CTNND2: variants seen among roughly 807,000 people sequenced by gnomAD.
The protein encoded by CTNND2 is catenin delta-2.
In CTNND2, 22 loss-of-function variants were observed where a neutral mutation model predicts 144.4. The observed-to-expected ratio is 0.15, with a 90% CI of 0.11 to 0.22. The LOEUF is 0.22. Among genes scored for constraint, CTNND2 ranks in the 10% least tolerant of loss-of-function variants. The pLI is 1.00. For missense variants in CTNND2, 1,353 were observed against 1,618.8 expected (o/e 0.84, Z 2.82); for synonymous variants, 751 against 695.6 (o/e 1.08, Z -1.25).
At chr5:11,345,187 C>CTAT (rs1271199136) in intron 9 of CTNND2, among the ~76,000 whole-genome samples, 1 of 152,086 alleles carries the variant, frequency 6.6e-6, no homozygotes, top group African/African-American at 2.4e-5. Flanking sequence ...GCCAAGAATA[C>CTAT]TTAAGGATCT....
intron 3 of CTNND2, among the ~76,000 whole-genome samples, chr5:11,541,985 C>A (rs1774801890): frequency 6.6e-6 from 1 of 151,782 alleles, no homozygotes; most frequent in African/African-American, 2.4e-5. Context: ...AGTTTTGTGT[C>A]CTCCCCAATT....
intron 2 of CTNND2, among the ~76,000 whole-genome samples, chr5:11,597,774 T>C (rs1479103393): frequency 6.6e-6 from 1 of 152,092 alleles, no homozygotes; most frequent in Non-Finnish European, 1.5e-5. Flanking sequence ...GATTTAGCCA[T>C]GTTGCCCAAG....
chr5:11,137,374 T>C (rs1051632344), intron 12 of CTNND2, among the ~76,000 whole-genome samples: 1 of 152,214 alleles, frequency 6.6e-6, no homozygotes, highest in Non-Finnish European at 1.5e-5. Flanking sequence ...CTGTATCTAG[T>C]CGTCTAGAGC....
intron 9 of CTNND2, among the ~76,000 whole-genome samples, chr5:11,285,662 A>G (rs898653314): frequency 2.6e-5 from 4 of 152,122 alleles, no homozygotes; most frequent in Non-Finnish European, 5.9e-5. Context: ...AAACGAAAGA[A>G]TGGCAGGTTT....
intron 16 of CTNND2, chr5:11,027,292 G>A (rs1279629121): frequency 6.6e-6 from 1 of 152,124 alleles, no homozygotes; most frequent in Non-Finnish European, 1.5e-5. Context: ...AAATTTGTGA[G>A]GCGTTCCATC....
chr5:11,063,044 C>T lies in CTNND2; in HGVS notation c.2788+19652G>A, dbSNP rs921840868. 1.2e-4 allele frequency among the ~76,000 whole-genome samples: 19 copies of T among 152,112 alleles called. 1 individual carries two copies. The highest frequency in any genetic ancestry group is 8.3e-4 in the South Asian group (4 of 4,822). ...TTGAAGGAAGACTGAACAAAGTTGACAGTTAACAGATCATTAAAAATAACT... is the reference window on the plus strand; with the variant it reads ...TTGAAGGAAGACTGAACAAAGTTGATAGTTAACAGATCATTAAAAATAACT... On this transcript the variant is annotated intron_variant, in intron 16 of 21. Transcript: ENST00000304623.
chr5:11,680,312 C>G (rs1231336626), intron 2 of CTNND2, among the ~76,000 whole-genome samples: 1 of 152,128 alleles, frequency 6.6e-6, no homozygotes, highest in African/African-American at 2.4e-5. Flanking sequence ...TTTCCACACT[C>G]AACAATTTTG....
In CTNND2 at chr5:11,365,537, C is replaced by G. The variant is rs1213868350; in HGVS notation, c.1178-647G>C. Among the ~76,000 whole-genome samples, 6 of 152,196 alleles carry G rather than the reference C, an allele frequency of 3.9e-5. No homozygotes were observed. The South Asian group carries it at 6.2e-4, about 16-fold the overall frequency. On this transcript the variant is annotated intron_variant, in intron 7 of 21. Coordinates refer to ENST00000304623, the MANE Select transcript of CTNND2 (RefSeq NM_001332.4). ...CTGAAAAAGTTAGGAATGATTGCCA[C>G]TAACTGGTTTAATGTATAAATTGCG...
At chr5:11,421,829 G>A (rs1762388797) in intron 3 of CTNND2, among the ~76,000 whole-genome samples, 1 of 152,154 alleles carries the variant, frequency 6.6e-6, no homozygotes, top group Non-Finnish European at 1.5e-5. Flanking sequence ...CACAGAACTG[G>A]GGGGCTGCTG....
chr5:11,264,764 T>C (rs1012795135), intron 9 of CTNND2, among the ~76,000 whole-genome samples: 1 of 152,048 alleles, frequency 6.6e-6, no homozygotes, highest in Admixed American at 6.6e-5. Context: ...ACCCTGTCTG[T>C]ACTAAAAATA....
At chr5:11,573,023 T>C (rs560152196) in intron 2 of CTNND2, among the ~76,000 whole-genome samples, 6 of 152,096 alleles carry the variant, frequency 3.9e-5, no homozygotes, top group Admixed American at 6.6e-5. Flanking sequence ...TACAGAACTG[T>C]GGTTTCTCTG....
At chr5:11,239,308 G>T (rs1741970501) in intron 9 of CTNND2, among the ~76,000 whole-genome samples, 1 of 152,218 alleles carries the variant, frequency 6.6e-6, no homozygotes, top group Non-Finnish European at 1.5e-5. Flanking sequence ...CTCAAACTCA[G>T]ACAGGAAGGA....
intron 9 of CTNND2, among the ~76,000 whole-genome samples, chr5:11,241,368 A>G (rs1269886443): frequency 6.6e-6 from 1 of 152,170 alleles, no homozygotes; most frequent in Non-Finnish European, 1.5e-5. Context: ...AGTGAAGGAG[A>G]AAAAGCCCCG....
At chr5:11,711,356 C>T (rs1786021004) in intron 2 of CTNND2, among the ~76,000 whole-genome samples, 1 of 152,164 alleles carries the variant, frequency 6.6e-6, no homozygotes, top group South Asian at 2.1e-4. Context: ...CACGCCGGGC[C>T]GACTGGCCTA....
intron 2 of CTNND2, among the ~76,000 whole-genome samples, chr5:11,669,903 C>T (rs192787795): frequency 5.2e-4 from 79 of 152,190 alleles, no homozygotes; most frequent in Middle Eastern, 3.4e-3. Flanking sequence ...TTAAGTTTTC[C>T]GCTACAAACT....
At chr5:11,032,967 A>G (rs1371433267) in intron 16 of CTNND2, among the ~76,000 whole-genome samples, 2 of 152,228 alleles carry the variant, frequency 1.3e-5, no homozygotes, top group Non-Finnish European at 2.9e-5. Flanking sequence ...ACATGTGATG[A>G]CACTGTACAC....
At chr5:11,089,431 T>C (rs1750529408) in intron 15 of CTNND2, among the ~76,000 whole-genome samples, 1 of 152,206 alleles carries the variant, frequency 6.6e-6, no homozygotes, top group South Asian at 2.1e-4. Context: ...CTGTAATGGA[T>C]TTTGTAGACA....
intron 14 of CTNND2, among the ~76,000 whole-genome samples, chr5:11,102,654 A>T (rs191908386): frequency 1.0e-3 from 155 of 152,346 alleles, no homozygotes; most frequent in African/African-American, 3.6e-3. Flanking sequence ...AACTGTATAG[A>T]ATTGAAAATA....
chr5:11,135,110 G>T (rs1756003604), intron 12 of CTNND2, among the ~76,000 whole-genome samples: 1 of 152,198 alleles, frequency 6.6e-6, no homozygotes, highest in Admixed American at 6.5e-5. Context: ...CACTTAACCA[G>T]CTTGGTGGCC....
Sources: gnomAD v4.1 joint callset for allele counts (sites outside exome capture counted in the v4.1 genomes callset) on GRCh38, gnomAD v4.1.1 for gene constraint, MANE v1.5 for transcripts, NCBI Gene and HGNC (gene_info 2026-07-23, HGNC 2026-07-21) for gene names.